The following BCL10 variants were observed in gnomAD, a reference collection of about 807,000 sequenced individuals.
BCL10 encodes the protein B-cell lymphoma/leukemia 10.
BCL10 carries 5 observed loss-of-function variants against 19.2 expected under a neutral mutation model. The observed-to-expected ratio is 0.26, with a 90% CI of 0.14 to 0.55. The LOEUF is 0.55. BCL10 is among the 20% of genes least tolerant of loss of function. The pLI, the probability that BCL10 is intolerant of heterozygous loss-of-function variation, is 0.94. For missense variants in BCL10, 201 were observed against 271.9 expected, an observed-to-expected ratio of 0.74 and a Z score of 1.83; for synonymous variants, 110 against 98.8, an observed-to-expected ratio of 1.11 and a Z score of -0.67.
chr1:85,267,468 T>G lies in BCL10; in HGVS notation c.*159A>C, dbSNP rs368400529. Reference sequence around the variant, plus strand: ...TTTACAGTTAGCTATCCTAGAAGTATGCTTTTTTAATTCTAAAAATCCTAT... The same window carrying G: ...TTTACAGTTAGCTATCCTAGAAGTAGGCTTTTTTAATTCTAAAAATCCTAT... On this transcript the variant is annotated 3_prime_UTR_variant, in exon 3 of 3. Transcript: ENST00000648566. 1 of 604,672 alleles carries G rather than the reference T, an allele frequency of 1.7e-6. No homozygotes were observed. The highest frequency in any genetic ancestry group is 1.9e-5 in the African/African-American group (1 of 53,760). 37.5% of individuals were successfully genotyped at this position (604,672 alleles called of 1,614,324 possible).
chr1:85,270,480 C>T (rs1660340257), intron 2 of BCL10, 138 bp downstream of exon 2: 1 of 738,930 alleles, frequency 1.4e-6, no homozygotes, highest in Non-Finnish European at 2.2e-6. Context: ...GCTATGTTGC[C>T]CAGGCTGGTC....
chr1:85,269,412 GCA>G (rs1487902674), intron 2 of BCL10, among the ~76,000 whole-genome samples: 1 of 152,146 alleles, frequency 6.6e-6, no homozygotes, highest in Non-Finnish European at 1.5e-5. Flanking sequence ...CAACCTACAG[GCA>G]CAGAAACCCT....
chr1:85,267,864 A>G lies in BCL10; in HGVS notation c.465T>C (p.His155=). The change falls in exon 3 of 3, where the codon CAT becomes CAC. Residue 155 remains histidine, a synonymous_variant. Coordinates refer to ENST00000648566, the MANE Select transcript of BCL10 (RefSeq NM_003921.5). ...EKLRASTVMY[H]PEGESSTTPF... The stretch of plus-strand genomic sequence containing the variant: ...GCGTCGTGCTGGATTCTCCTTCTGG[A>G]TGGTACATGACAGTGGATGCCCTCA... 1 of 1,614,092 alleles carries G rather than the reference A, an allele frequency of 6.2e-7. No individual in the cohort carries two copies. Among genetic ancestry groups the G allele is most frequent in the Non-Finnish European group, 8.5e-7 (1 of 1,180,002 alleles).
intron 1 of BCL10, 83 bp downstream of exon 1, chr1:85,276,213 C>T: frequency 2.0e-6 from 3 of 1,534,400 alleles, no homozygotes; most frequent in East Asian, 2.2e-5. Flanking sequence ...TCCTCCTTGT[C>T]CTCGGACTCC....
At chr1:85,273,857 T>C (rs907178368) in intron 1 of BCL10, among the ~76,000 whole-genome samples, 1 of 152,140 alleles carries the variant, frequency 6.6e-6, no homozygotes, top group African/African-American at 2.4e-5. Context: ...AACTATACAA[T>C]TCTTCAACAA....
chr1:85,268,049 T>G, intron 2 of BCL10, 67 bp from the exon 3 acceptor site: 2 of 1,111,104 alleles, frequency 1.8e-6, no homozygotes, highest in Non-Finnish European at 2.5e-6. Flanking sequence ...GTCCATCTTG[T>G]GACTTGTTAA....
rs1660175502 is a variant in BCL10 at position 85,265,851 on chromosome 1, T to C, written c.*1776A>G. On this transcript the variant is annotated 3_prime_UTR_variant, in exon 3 of 3. Transcript: ENST00000648566. ...AGAAAACTCAGTGTTAAAACTTATC[T>C]ATATATAGGTGTTATTGTATATCTA... 6.6e-6 allele frequency among the ~76,000 whole-genome samples: 1 copy of C among 152,216 alleles called. No homozygotes were observed. The highest frequency in any genetic ancestry group is 1.5e-5 in the Non-Finnish European group (1 of 68,030).
In BCL10 at chr1:85,276,546, G is replaced by A. The variant is rs1660541147; in HGVS notation, c.-194C>T. On this transcript the variant is annotated 5_prime_UTR_variant, in exon 1 of 3. Coordinates refer to ENST00000648566, the MANE Select transcript of BCL10 (RefSeq NM_003921.5). Reference sequence around the variant, plus strand: ...CCGTAGCGCTTCCGGCCCCGCCTCTGAGGTCGACGGCGACGCGAATCTACG... The same window carrying A: ...CCGTAGCGCTTCCGGCCCCGCCTCTAAGGTCGACGGCGACGCGAATCTACG... 9.7e-6 allele frequency: 6 copies of A among 619,538 alleles called. No individual in the cohort carries two copies. In the Admixed American group the frequency reaches 1.8e-4, roughly 18 times the overall value. The allele number at this position is 619,538 out of a possible 1,614,324, so 38.4% of individuals were successfully genotyped here.
chr1:85,274,333 T>A (rs75617905), intron 1 of BCL10, among the ~76,000 whole-genome samples: 18 of 152,212 alleles, frequency 1.2e-4, no homozygotes, highest in Admixed American at 1.2e-3. Flanking sequence ...ACTGCACTTA[T>A]TTTGTGATTT....
intron 2 of BCL10, among the ~76,000 whole-genome samples, chr1:85,269,904 C>T (rs1214436772): frequency 2.0e-5 from 3 of 152,190 alleles, no homozygotes; most frequent in Non-Finnish European, 4.4e-5. Context: ...ATATTTTATG[C>T]AACGTGATTC....
At chr1:85,275,522 T>C (rs995969163) in intron 1 of BCL10, among the ~76,000 whole-genome samples, 2 of 152,266 alleles carry the variant, frequency 1.3e-5, no homozygotes, top group Admixed American at 1.3e-4. Context: ...ACACGTTTCA[T>C]GTTGAGTTTC....
chr1:85,274,324 C>T (rs914574122), intron 1 of BCL10, among the ~76,000 whole-genome samples: 3 of 152,202 alleles, frequency 2.0e-5, no homozygotes, highest in Non-Finnish European at 4.4e-5. Context: ...GCAAAACTCA[C>T]TGCACTTATT....
chr1:85,268,120 A>C, intron 2 of BCL10, 138 bp from the exon 3 acceptor site: 2 of 603,114 alleles, frequency 3.3e-6, no homozygotes, highest in East Asian at 5.7e-5. Context: ...TTTCCGTCAT[A>C]ATCTATTTCA....
chr1:85,268,868 A>G (rs1343367365), intron 2 of BCL10, among the ~76,000 whole-genome samples: 2 of 152,226 alleles, frequency 1.3e-5, no homozygotes, highest in East Asian at 1.9e-4. Context: ...CTACAATTCA[A>G]TAGATAATGT....
rs1413097743 is a variant in BCL10 at position 85,266,803 on chromosome 1, T to A, written c.*824A>T. 6.2e-6 allele frequency: 1 copy of A among 161,872 alleles called. No individual in the cohort carries two copies. Among genetic ancestry groups the A allele is most frequent in the African/African-American group, 2.8e-5 (1 of 35,486 alleles). 10.0% of individuals were successfully genotyped at this position (161,872 alleles called of 1,614,324 possible). ...CTGAGGTGAGAGGATCACGTAAGCA[T>A]GGGAGGCAGAAGTTGCAGTGAGCCT... On this transcript the variant is annotated 3_prime_UTR_variant, in exon 3 of 3. Transcript: ENST00000648566.
intron 2 of BCL10, among the ~76,000 whole-genome samples, chr1:85,269,294 C>G (rs1328786383): frequency 1.3e-5 from 2 of 152,178 alleles, no homozygotes; most frequent in Non-Finnish European, 2.9e-5. Context: ...AACTTAGATA[C>G]CATCAAAGAA....
chr1:85,276,490 C>A lies in BCL10; in HGVS notation c.-138G>T, dbSNP rs1350365417. The A allele has an allele frequency of 3.6e-5, 34 of 945,114 alleles. No homozygotes were observed. Among genetic ancestry groups the A allele is most frequent in the Non-Finnish European group, 4.7e-5 (29 of 618,138 alleles). The allele number at this position is 945,114 out of a possible 1,614,324, so 58.5% of individuals were successfully genotyped here. ...GCGGGTCGGGAGAAAGACGGCCGCCCCTTCGGGAACAGAGGGACTCGGGGG... is the reference window on the plus strand; with the variant it reads ...GCGGGTCGGGAGAAAGACGGCCGCCACTTCGGGAACAGAGGGACTCGGGGG... On this transcript the variant is annotated 5_prime_UTR_variant, in exon 1 of 3. Transcript: ENST00000648566.
intron 2 of BCL10, 37 bp downstream of exon 2, chr1:85,270,581 C>T (rs371124315): frequency 1.9e-6 from 3 of 1,557,128 alleles, no homozygotes; most frequent in Non-Finnish European, 2.6e-6. Context: ...AGCATTATTA[C>T]ATTTAAATTA....
In BCL10 at chr1:85,267,793, A is replaced by T. The variant is rs61731898; in HGVS notation, c.536T>A (p.Val179Glu). 1 of 1,614,118 alleles carries T rather than the reference A, an allele frequency of 6.2e-7. No homozygotes were observed. Among genetic ancestry groups the T allele is most frequent in the Non-Finnish European group, 8.5e-7 (1 of 1,180,050 alleles). Residue 179 changes from valine to glutamate, a missense_variant, in exon 3 of 3, where the codon GTA becomes GAA. Val to Glu is a moderately radical substitution (Grantham distance 121, BLOSUM62 -2). Transcript: ENST00000648566. ...NSSLNLPVLE[V>E]GRTENTIFSS... ...GAAGATGGTATTTTCAGTTCTGCCT[A>T]CTTCTAGAACAGGCAAATTCAGAGA...
Sources: allele counts gnomAD v4.1 joint callset (sites outside exome capture counted in the v4.1 genomes callset), GRCh38; gene constraint gnomAD v4.1.1; transcripts MANE v1.5; gene names NCBI Gene and HGNC (gene_info 2026-07-23, HGNC 2026-07-21).